AMELY: variants seen among roughly 807,000 people sequenced by gnomAD.
AMELY encodes amelogenin Y-linked.
In AMELY, 4 loss-of-function variants were observed where a neutral mutation model predicts 4.2. That is an observed-to-expected ratio of 0.96 (90% CI 0.47 to 2.19). The LOEUF is 2.19. Among genes scored for constraint, AMELY ranks in the 30% most tolerant of loss-of-function variants. The pLI is 0.02. For synonymous variants in AMELY, 11 were observed against 14.7 expected (o/e 0.75, Z 0.57); for missense variants, 32 against 41.5 (o/e 0.77, Z 0.63).
At chrY:6,906,180 C>T (rs2011662416) in intron 1 of AMELY, among the ~76,000 whole-genome samples, 1 of 33,432 alleles carries the variant, frequency 3.0e-5, no homozygotes, top group South Asian at 6.8e-4. Flanking sequence ...GCTTCCCCAG[C>T]CTCATGGAAC....
chrY:6,886,747 G>C (rs753945697), intron 1 of AMELY, among the ~76,000 whole-genome samples: 20 of 33,587 alleles, frequency 6.0e-4, no homozygotes, highest in Non-Finnish European at 8.8e-4. Flanking sequence ...ATACCATTAA[G>C]AATACAACCA....
At chrY:6,900,485 C>G in intron 1 of AMELY, among the ~76,000 whole-genome samples, 1 of 33,403 alleles carries the variant, frequency 3.0e-5, no homozygotes, top group African/African-American at 1.2e-4. Flanking sequence ...CTTTACAGGA[C>G]TCTCCTTGGA....
chrY:6,872,884 C>T (rs2054069455), intron 2 of AMELY, among the ~76,000 whole-genome samples: 1 of 32,973 alleles, frequency 3.0e-5, no homozygotes, highest in Non-Finnish European at 7.4e-5. Flanking sequence ...ATTTGGAATG[C>T]CATATTCCTG....
At chrY:6,867,008 T>A in intron 6 of AMELY, among the ~76,000 whole-genome samples, 2 of 33,212 alleles carry the variant, frequency 6.0e-5, no homozygotes, top group South Asian at 1.3e-3. Context: ...ATGCTCACAA[T>A]TATTAAGCCA....
chrY:6,896,062 T>A (rs2054086151), intron 1 of AMELY, among the ~76,000 whole-genome samples: 1 of 33,553 alleles, frequency 3.0e-5, no homozygotes, highest in Non-Finnish European at 7.3e-5. Context: ...TTGTCTGTTA[T>A]TGGTGTATAG....
chrY:6,883,271 A>C, intron 1 of AMELY, among the ~76,000 whole-genome samples: 1 of 33,347 alleles, frequency 3.0e-5, no homozygotes, highest in Non-Finnish European at 7.4e-5. Flanking sequence ...AGTTATAAAA[A>C]GTGGTGAGTT....
At chrY:6,894,989 A>C in intron 1 of AMELY, among the ~76,000 whole-genome samples, 3 of 33,784 alleles carry the variant, frequency 8.9e-5, no homozygotes, top group Non-Finnish European at 1.5e-4. Flanking sequence ...AAAAGCGAGA[A>C]AATAACATCC....
chrY:6,904,263 C>G, intron 1 of AMELY, among the ~76,000 whole-genome samples: 1 of 33,736 alleles, frequency 3.0e-5, no homozygotes, highest in Non-Finnish European at 7.3e-5. Context: ...TACTTCTTCC[C>G]CAAATTTGTT....
chrY:6,880,346 C>G, intron 1 of AMELY, among the ~76,000 whole-genome samples: 2 of 33,413 alleles, frequency 6.0e-5, no homozygotes, highest in African/African-American at 2.3e-4. Flanking sequence ...CACACTTAAT[C>G]ACATTACATT....
At chrY:6,872,146 G>A in intron 3 of AMELY, among the ~76,000 whole-genome samples, 4 of 32,448 alleles carry the variant, frequency 1.2e-4, no homozygotes, top group Admixed American at 1.1e-3. Context: ...TCTAGTGGAG[G>A]CATCTCAGAA....
chrY:6,884,392 C>T, intron 1 of AMELY, among the ~76,000 whole-genome samples: 1 of 31,972 alleles, frequency 3.1e-5, no homozygotes, highest in Non-Finnish European at 7.6e-5. Context: ...AAAAAACCTA[C>T]ACGTTCTGCC....
intron 1 of AMELY, among the ~76,000 whole-genome samples, chrY:6,904,054 C>T (rs2011657180): frequency 3.0e-5 from 1 of 33,495 alleles, no homozygotes; most frequent in Non-Finnish European, 7.4e-5. Flanking sequence ...ATACCTGCCA[C>T]CATGGTCACT....
chrY:6,883,769 A>G, intron 1 of AMELY, among the ~76,000 whole-genome samples: 3 of 33,153 alleles, frequency 9.0e-5, no homozygotes. Context: ...CATTGTTCAA[A>G]TAGGAACTTA....
At chrY:6,876,802 T>C in intron 1 of AMELY, among the ~76,000 whole-genome samples, 1 of 33,053 alleles carries the variant, frequency 3.0e-5, no homozygotes, top group African/African-American at 1.2e-4. Context: ...CTGCTGCCAC[T>C]GGGCCAAAAA....
At chrY:6,893,350 G>T (rs2054084659) in intron 1 of AMELY, among the ~76,000 whole-genome samples, 1 of 33,288 alleles carries the variant, frequency 3.0e-5, no homozygotes, top group Non-Finnish European at 7.4e-5. Flanking sequence ...AGGACAGCAG[G>T]AAACATAAGT....
At chrY:6,872,862 T>C in intron 2 of AMELY, among the ~76,000 whole-genome samples, 3 of 33,259 alleles carry the variant, frequency 9.0e-5, no homozygotes, top group East Asian at 1.6e-3. Flanking sequence ...AAATAAATCA[T>C]GTTGTTATGT....
chrY:6,868,781 A>C lies in AMELY; in HGVS notation c.103-5T>G. 1 of 387,245 alleles carries C rather than the reference A, an allele frequency of 2.6e-6. No homozygotes were observed. Among genetic ancestry groups the C allele is most frequent in the Non-Finnish European group, 3.7e-6 (1 of 273,053 alleles). ...CCACTTCAAAGGGGTGAGCACCTTAAGAGAAAGATATATTAGAATCCATTT... is the reference window on the plus strand; with the variant it reads ...CCACTTCAAAGGGGTGAGCACCTTACGAGAAAGATATATTAGAATCCATTT... On this transcript the variant is annotated splice_polypyrimidine_tract_variant and splice_region_variant and intron_variant, in intron 4 of 6. Coordinates refer to ENST00000651267, the MANE Select transcript of AMELY (RefSeq NM_001143.2).
chrY:6,899,453 C>T, intron 1 of AMELY, among the ~76,000 whole-genome samples: 2 of 32,931 alleles, frequency 6.1e-5, no homozygotes, highest in Admixed American at 2.8e-4. Flanking sequence ...GGGCCAGGTG[C>T]AGTGGCTTAC....
chrY:6,905,636 C>T, intron 1 of AMELY, among the ~76,000 whole-genome samples: 1 of 28,130 alleles, frequency 3.6e-5, no homozygotes, highest in African/African-American at 1.4e-4. Context: ...GCTCTGTTGC[C>T]CCAGCTGGAG....
Sources: allele counts gnomAD v4.1 joint callset (sites outside exome capture counted in the v4.1 genomes callset), GRCh38; gene constraint gnomAD v4.1.1; transcripts MANE v1.5; gene names NCBI Gene and HGNC (gene_info 2026-07-23, HGNC 2026-07-21).